The following ROBO2 variants were observed in gnomAD, a reference collection of about 807,000 sequenced individuals.
ROBO2 encodes roundabout guidance receptor 2, also known as roundabout homolog 2.
ROBO2 carries 53 observed loss-of-function variants against 160.8 expected under a neutral mutation model. The observed-to-expected ratio is 0.33, with a 90% CI of 0.26 to 0.41. The LOEUF is 0.41. ROBO2 is among the 10% of genes least tolerant of loss of function. The pLI, the probability that ROBO2 is intolerant of heterozygous loss-of-function variation, is 1.00. For synonymous variants in ROBO2, 664 were observed against 611.7 expected, an observed-to-expected ratio of 1.09 and a Z score of -1.26; for missense variants, 1,577 against 1,722.4, an observed-to-expected ratio of 0.92 and a Z score of 1.49.
chr3:76,328,850 C>A lies in ROBO2; in HGVS notation c.109+391248C>A, dbSNP rs552685696. Among the ~76,000 whole-genome samples the A allele has an allele frequency of 1.5e-3, 227 of 150,592 alleles. 1 individual carries two copies. Among genetic ancestry groups the A allele is most frequent in the African/African-American group, 5.3e-3 (218 of 41,054 alleles). On this transcript the variant is annotated intron_variant, in intron 2 of 26. Coordinates refer to the ROBO2 transcript ENST00000487694. ...CTCCAGCCTGGGCGACAGAGCGAGA[C>A]TCCGTCTCAAAACAAACAAACAAAC...
At chr3:76,600,330 T>G (rs139892355) in intron 2 of ROBO2, among the ~76,000 whole-genome samples, 5 of 152,344 alleles carry the variant, frequency 3.3e-5, no homozygotes, top group African/African-American at 9.6e-5. Context: ...AACAGATTTT[T>G]TTAAACCTTC....
chr3:76,644,135 G>A (rs1396572414), intron 2 of ROBO2, among the ~76,000 whole-genome samples: 1 of 152,086 alleles, frequency 6.6e-6, no homozygotes, highest in African/African-American at 2.4e-5. Context: ...AGGTCAATAA[G>A]GGCAGGCACT....
intron 2 of ROBO2, among the ~76,000 whole-genome samples, chr3:77,158,117 G>A (rs1210555581): frequency 6.6e-6 from 1 of 152,144 alleles, no homozygotes; most frequent in Admixed American, 6.5e-5. Flanking sequence ...GAGCCGAGGA[G>A]TGAAAATGGT....
chr3:76,812,158 C>T (rs1043020476), intron 2 of ROBO2, among the ~76,000 whole-genome samples: 2 of 151,954 alleles, frequency 1.3e-5, no homozygotes, highest in South Asian at 2.1e-4. Context: ...CAGGTGTGAG[C>T]CACCGTGCCC....
intron 2 of ROBO2, among the ~76,000 whole-genome samples, chr3:75,993,421 C>T (rs1022343860): frequency 6.6e-6 from 1 of 152,152 alleles, no homozygotes; most frequent in African/African-American, 2.4e-5. Flanking sequence ...ATTTGACTTA[C>T]CCTGCTTTCC....
chr3:76,261,200 G>A (rs1365805564), intron 2 of ROBO2, among the ~76,000 whole-genome samples: 6 of 128,698 alleles, frequency 4.7e-5, no homozygotes, highest in African/African-American at 1.7e-4. Context: ...GTGTGTGTGT[G>A]TGTATATATA....
intron 2 of ROBO2, among the ~76,000 whole-genome samples, chr3:77,116,654 A>G (rs779747953): frequency 9.9e-5 from 15 of 152,176 alleles, no homozygotes; most frequent in Non-Finnish European, 2.2e-4. Context: ...ATGATTTCCA[A>G]TTAAGTCTGT....
intron 2 of ROBO2, among the ~76,000 whole-genome samples, chr3:76,003,721 C>G (rs767923570): frequency 2.6e-5 from 4 of 152,146 alleles, no homozygotes; most frequent in Admixed American, 6.5e-5. Context: ...TATACAGGAC[C>G]AGTGTTGGAA....
At chr3:76,306,446 T>C (rs545226319) in intron 2 of ROBO2, among the ~76,000 whole-genome samples, 2 of 152,254 alleles carry the variant, frequency 1.3e-5, no homozygotes, top group East Asian at 3.9e-4. Context: ...ATGGTATTTA[T>C]TGTGCATAAA....
intron 2 of ROBO2, among the ~76,000 whole-genome samples, chr3:76,138,557 A>AGC (rs1313684998): frequency 2.0e-5 from 3 of 152,060 alleles, no homozygotes; most frequent in Non-Finnish European, 4.4e-5. Context: ...TTAAGACCTA[A>AGC]GCACCTCTTT....
At chr3:76,119,889 T>C (rs2070651189) in intron 2 of ROBO2, among the ~76,000 whole-genome samples, 1 of 118,920 alleles carries the variant, frequency 8.4e-6, no homozygotes, top group African/African-American at 3.6e-5. Flanking sequence ...TTCCTTCCCT[T>C]CCCTTCCTTC....
intron 2 of ROBO2, among the ~76,000 whole-genome samples, chr3:76,284,144 G>A (rs779334505): frequency 6.6e-6 from 1 of 151,818 alleles, no homozygotes; most frequent in Non-Finnish European, 1.5e-5. Context: ...AGGTCTCTTT[G>A]GGTATTTTAT....
chr3:77,414,774 C>T (rs748379280), intron 2 of ROBO2, among the ~76,000 whole-genome samples: 1 of 152,076 alleles, frequency 6.6e-6, no homozygotes, highest in Non-Finnish European at 1.5e-5. Context: ...AAGTGGGAAC[C>T]CTGGCATACA....
intron 7 of ROBO2, among the ~76,000 whole-genome samples, chr3:77,549,250 G>A (rs1027974908): frequency 6.6e-6 from 1 of 151,976 alleles, no homozygotes; most frequent in Non-Finnish European, 1.5e-5. Flanking sequence ...CCATCCCGTA[G>A]AGAATAAAGC....
chr3:77,353,002 C>T (rs1023266282), intron 2 of ROBO2, among the ~76,000 whole-genome samples: 1 of 152,188 alleles, frequency 6.6e-6, no homozygotes, highest in East Asian at 1.9e-4. Context: ...TTGATTGAAT[C>T]TCAGTGTTTA....
At chr3:76,037,297 T>C (rs2067142068) in intron 2 of ROBO2, among the ~76,000 whole-genome samples, 1 of 150,802 alleles carries the variant, frequency 6.6e-6, no homozygotes, top group South Asian at 2.1e-4. Flanking sequence ...TCACTCTGTT[T>C]CCCAGGCTGG....
chr3:76,197,879 C>T (rs7615969), intron 2 of ROBO2, among the ~76,000 whole-genome samples: 16,613 of 152,176 alleles, frequency 0.11, 1,176 homozygotes, highest in African/African-American at 0.2. Context: ...GAGAAAATAT[C>T]TTAAATCCTC....
chr3:75,986,231 A>G (rs1250329178), intron 2 of ROBO2, among the ~76,000 whole-genome samples: 2 of 151,192 alleles, frequency 1.3e-5, no homozygotes, highest in African/African-American at 4.8e-5. Context: ...AATAGTAACT[A>G]TCATCATGTG....
chr3:76,129,540 C>T (rs535078224), intron 2 of ROBO2, among the ~76,000 whole-genome samples: 3 of 152,238 alleles, frequency 2.0e-5, no homozygotes, highest in Admixed American at 1.3e-4. Flanking sequence ...TGTAACTCTA[C>T]ACTTAGGACT....
Sources: allele counts gnomAD v4.1 joint callset (sites outside exome capture counted in the v4.1 genomes callset), GRCh38; gene constraint gnomAD v4.1.1; transcripts MANE v1.5; gene names NCBI Gene and HGNC (gene_info 2026-07-23, HGNC 2026-07-21).